Variants in FOXN2 observed in about 807,000 individuals in gnomAD.
FOXN2 encodes the protein forkhead box N2, also known as forkhead box protein N2.
In FOXN2, 19 loss-of-function variants were observed where a neutral mutation model predicts 41.2. That is an observed-to-expected ratio of 0.46 (90% CI 0.32 to 0.68). The LOEUF is 0.68. Ranked by LOEUF, FOXN2 falls within the 30% of genes least tolerant of loss-of-function variation. FOXN2 has a pLI of 0.03. For synonymous variants in FOXN2, 195 were observed against 176.8 expected, an observed-to-expected ratio of 1.10 and a Z score of -0.82; for missense variants, 587 against 509.4, an observed-to-expected ratio of 1.15 and a Z score of -1.47.
chr2:48,327,773 T>A (rs1174430573), intron 1 of FOXN2, among the ~76,000 whole-genome samples: 1 of 152,222 alleles, frequency 6.6e-6, no homozygotes, highest in Non-Finnish European at 1.5e-5. Flanking sequence ...CATTAATATC[T>A]TTAATAATTT....
chr2:48,326,364 G>A lies in FOXN2; in HGVS notation c.-156-2197G>A, dbSNP rs144132240. Among the ~76,000 whole-genome samples the A allele has an allele frequency of 2.4e-4, 36 of 151,208 alleles. 1 individual carries two copies. The South Asian group carries it at 7.1e-3, about 30-fold the overall frequency. On this transcript the variant is annotated intron_variant, in intron 1 of 6. Coordinates refer to ENST00000340553, the MANE Select transcript of FOXN2 (RefSeq NM_002158.4). ...AAAGGTTAGAGCATGGCTAAAATACGCAGGGTCTTGTATACAAGGTTAAGG... is the reference window on the plus strand; with the variant it reads ...AAAGGTTAGAGCATGGCTAAAATACACAGGGTCTTGTATACAAGGTTAAGG...
At chr2:48,321,564 G>A (rs893807201) in intron 1 of FOXN2, among the ~76,000 whole-genome samples, 3 of 151,558 alleles carry the variant, frequency 2.0e-5, no homozygotes, top group Non-Finnish European at 4.4e-5. Flanking sequence ...CATTTTATGT[G>A]GTAAGGGTAA....
intron 2 of FOXN2, among the ~76,000 whole-genome samples, chr2:48,336,152 C>A (rs1670334916): frequency 6.6e-6 from 1 of 151,902 alleles, no homozygotes; most frequent in Non-Finnish European, 1.5e-5. Flanking sequence ...GCCTGTGATA[C>A]CAGCACTTTG....
Position 48,377,852 on chromosome 2 carries a change from C to G in FOXN2, c.*2409C>G, listed in dbSNP as rs975774848. ...TTACTACTTCCACTGAGAGTATGCTCTCATTCCTCAGGTGTTTTGAGAAAC... is the reference window on the plus strand; with the variant it reads ...TTACTACTTCCACTGAGAGTATGCTGTCATTCCTCAGGTGTTTTGAGAAAC... On this transcript the variant is annotated 3_prime_UTR_variant, in exon 7 of 7. Transcript: ENST00000340553. 3.3e-5 allele frequency: 5 copies of G among 152,154 alleles called. No individual in the cohort carries two copies. The highest frequency in any genetic ancestry group is 7.4e-5 in the Non-Finnish European group (5 of 67,900). 9.4% of individuals were successfully genotyped at this position (152,154 alleles called of 1,614,324 possible). A position where few individuals can be genotyped will look rare whatever the true frequency, so the allele number is the denominator to read the frequency against.
chr2:48,371,574 A>T (rs369658727), intron 5 of FOXN2, among the ~76,000 whole-genome samples: 2 of 151,854 alleles, frequency 1.3e-5, no homozygotes, highest in Non-Finnish European at 2.9e-5. Flanking sequence ...TTTGCTCAAG[A>T]TTCTTTTGCC....
chr2:48,353,989 CTTAA>C (rs1671630505), intron 3 of FOXN2, among the ~76,000 whole-genome samples: 1 of 152,100 alleles, frequency 6.6e-6, no homozygotes, highest in Non-Finnish European at 1.5e-5. Context: ...AATTGTGTCA[CTTAA>C]TTCTTTTATA....
chr2:48,316,748 C>G (rs958172500), intron 1 of FOXN2, among the ~76,000 whole-genome samples: 1 of 152,156 alleles, frequency 6.6e-6, no homozygotes, highest in East Asian at 1.9e-4. Context: ...TTTACTAATG[C>G]ATCGTTTCAT....
intron 1 of FOXN2, among the ~76,000 whole-genome samples, chr2:48,322,928 TTGTG>T (rs981979021): frequency 6.6e-6 from 1 of 151,208 alleles, no homozygotes; most frequent in South Asian, 2.1e-4. Flanking sequence ...AGTTGTAACT[TTGTG>T]TGGGATTCAA....
At chr2:48,374,241 A>G (rs749534711) in intron 6 of FOXN2, among the ~76,000 whole-genome samples, 20 of 152,208 alleles carry the variant, frequency 1.3e-4, no homozygotes, top group Non-Finnish European at 2.8e-4. Context: ...AGCAAAATAT[A>G]TGACTAGGTG....
At chr2:48,363,949 G>C (rs1672364941) in intron 5 of FOXN2, among the ~76,000 whole-genome samples, 1 of 152,136 alleles carries the variant, frequency 6.6e-6, no homozygotes, top group Non-Finnish European at 1.5e-5. Flanking sequence ...ATTTTTAAGA[G>C]ATGGCGTCTT....
At chr2:48,351,233 A>T (rs773998231) in intron 3 of FOXN2, among the ~76,000 whole-genome samples, 15 of 151,644 alleles carry the variant, frequency 9.9e-5, no homozygotes, top group Non-Finnish European at 1.9e-4. Flanking sequence ...AAGTGCTGGG[A>T]TTACAGGTGT....
chr2:48,348,292 C>T (rs772422947), intron 3 of FOXN2, among the ~76,000 whole-genome samples: 56 of 151,942 alleles, frequency 3.7e-4, no homozygotes, highest in Non-Finnish European at 6.5e-4. Flanking sequence ...ATAGGTTCAC[C>T]GTTTTTCTTT....
In FOXN2 at chr2:48,346,480, A is replaced by AG; in HGVS notation, c.269dup (p.Asp91ArgfsTer2). ...ATTGTTAGTCCATTGTATGACATAG[A>AG]GGGAGATGATGTGCCATCCTTTGGA... On this transcript the variant is annotated frameshift_variant, in exon 3 of 7. Coordinates refer to ENST00000340553, the MANE Select transcript of FOXN2 (RefSeq NM_002158.4). LOFTEE classifies it high-confidence loss of function. The AG allele has an allele frequency of 6.2e-7, 1 of 1,614,140 alleles. No homozygotes were observed. Among genetic ancestry groups the AG allele is most frequent in the Non-Finnish European group, 8.5e-7 (1 of 1,180,010 alleles).
chr2:48,367,066 C>G (rs887022595), intron 5 of FOXN2, among the ~76,000 whole-genome samples: 2 of 152,114 alleles, frequency 1.3e-5, no homozygotes, highest in Non-Finnish European at 2.9e-5. Flanking sequence ...CTGTTATCAG[C>G]CTAAACAGGT....
chr2:48,361,295 G>T (rs548114687), intron 4 of FOXN2, among the ~76,000 whole-genome samples: 1 of 151,690 alleles, frequency 6.6e-6, no homozygotes, highest in Non-Finnish European at 1.5e-5. Context: ...GTTGAAACCC[G>T]TCTCTACCAA....
rs78652653 is a variant in FOXN2 at position 48,364,637 on chromosome 2, G to C, written c.703+1930G>C. On this transcript the variant is annotated intron_variant, in intron 5 of 6. Transcript: ENST00000340553. Reference sequence around the variant, plus strand: ...TATCAGTAGAGTTATTACCTTTTCAGGTCTATCTTAGACTAGAAAAGGGGT... The same window carrying C: ...TATCAGTAGAGTTATTACCTTTTCACGTCTATCTTAGACTAGAAAAGGGGT... Among the ~76,000 whole-genome samples, 25 of 152,268 alleles carry C rather than the reference G, an allele frequency of 1.6e-4. No homozygotes were observed. In the East Asian group the frequency reaches 4.0e-3, roughly 25 times the overall value.
At chr2:48,336,275 G>A (rs1670345446) in intron 2 of FOXN2, among the ~76,000 whole-genome samples, 1 of 151,568 alleles carries the variant, frequency 6.6e-6, no homozygotes. Flanking sequence ...GGGTGTGGTG[G>A]TGCACGCCTG....
rs1673162593 is a variant in FOXN2, at chr2:48,375,150, A to C, written c.1003A>C (p.Lys335Gln). Residue 335 changes from lysine (K) to glutamine (Q), a missense_variant, in exon 7 of 7, where the codon AAG (lysine) becomes CAG (glutamine). Physicochemically the swap from Lys to Gln is moderately conservative, Grantham distance 53. Transcript: ENST00000340553. ...GGATGAGGTATATGAATTTATCCCA[A>C]AGAATAGTCACGTGGGAAGTGATGG... ...SVDEVYEFIP[K>Q]NSHVGSDGSE... 3.1e-6 allele frequency: 5 copies of C among 1,614,112 alleles called. No individual in the cohort carries two copies. Among genetic ancestry groups the C allele is most frequent in the Non-Finnish European group, 3.4e-6 (4 of 1,179,994 alleles).
At chr2:48,320,821 A>C (rs912573506) in intron 1 of FOXN2, among the ~76,000 whole-genome samples, 5 of 152,184 alleles carry the variant, frequency 3.3e-5, no homozygotes, top group Non-Finnish European at 7.4e-5. Context: ...TAGGGAGAGA[A>C]ACTAATATTT....
Sources: gnomAD v4.1 joint callset for allele counts (sites outside exome capture counted in the v4.1 genomes callset) on GRCh38, gnomAD v4.1.1 for gene constraint, MANE v1.5 for transcripts, NCBI Gene and HGNC (gene_info 2026-07-23, HGNC 2026-07-21) for gene names.